NPHP1: variants seen among roughly 807,000 people sequenced by gnomAD.
NPHP1 encodes the protein nephrocystin-1.
Under a neutral mutation model 90.4 loss-of-function variants are expected in NPHP1, and 70 were observed. That is an observed-to-expected ratio of 0.77 (90% confidence interval 0.64 to 0.95). NPHP1 has a LOEUF of 0.95. Among genes scored for constraint, NPHP1 ranks in the 40% least tolerant of loss-of-function variants. The pLI is 0.00. For missense variants in NPHP1, 764 were observed against 795.9 expected (o/e 0.96, Z 0.48); for synonymous variants, 256 against 271.7 (o/e 0.94, Z 0.57).
Position 110,161,701 on chromosome 2 carries a change from A to C in NPHP1, c.860-4T>G. ...TAATTTGCTCGAAATTGATTCCCTG[A>C]AAAAATCATTTTTTCTTCATTTTCT... is the stretch of plus-strand genomic sequence containing the variant. On this transcript the variant is annotated splice_region_variant and splice_polypyrimidine_tract_variant and intron_variant, in intron 9 of 19. Transcript: ENST00000445609. 6.2e-7 allele frequency: 1 copy of C among 1,601,468 alleles called. No individual in the cohort carries two copies.
intron 2 of NPHP1, among the ~76,000 whole-genome samples, chr2:110,185,966 C>G (rs908273380): frequency 7.9e-5 from 12 of 152,132 alleles, no homozygotes; most frequent in Admixed American, 6.5e-5. Context: ...ATGCCATCTT[C>G]AAACAGTTTT....
intron 4 of NPHP1, among the ~76,000 whole-genome samples, chr2:110,173,131 G>A (rs1683274660): frequency 6.6e-6 from 1 of 151,506 alleles, no homozygotes. Flanking sequence ...GCTCATTTTT[G>A]TATTTTTAGT....
chr2:110,148,213 A>C (rs1047885781), intron 12 of NPHP1, among the ~76,000 whole-genome samples, 187 bp from the exon 13 acceptor site: 2 of 152,052 alleles, frequency 1.3e-5, no homozygotes, highest in Admixed American at 6.6e-5. Flanking sequence ...TGTCCTCACC[A>C]CAGAGAGTTC....
rs1679167577 is a variant in NPHP1, at chr2:110,123,951, TCA to T, written c.1872_1873del (p.Glu625AspfsTer9). ...AGTGATAACTTTCCACCGTGCAGTCTCAGTCTCTTCTTCTGCCCACCTGAATG... is the reference window on the plus strand; with the variant it reads ...AGTGATAACTTTCCACCGTGCAGTCTGTCTCTTCTTCTGCCCACCTGAATG... On this transcript the variant is annotated frameshift_variant, in exon 20 of 20. Coordinates refer to ENST00000445609, the MANE Select transcript of NPHP1 (RefSeq NM_001128178.3). LOFTEE classifies it high-confidence loss of function. 1 of 1,614,050 alleles carries T rather than the reference TCA, an allele frequency of 6.2e-7. No homozygotes were observed. Among genetic ancestry groups the T allele is most frequent in the South Asian group, 1.1e-5 (1 of 91,088 alleles).
chr2:110,125,042 A>G (rs1679249515), intron 19 of NPHP1: 1 of 612,608 alleles, frequency 1.6e-6, no homozygotes, highest in African/African-American at 1.9e-5. Context: ...GGTCATTTAC[A>G]TATTGTCTGT....
At chr2:110,170,073 C>T (rs2104579415) in intron 4 of NPHP1, 75 bp from the exon 5 acceptor site, 1 of 1,561,838 alleles carries the variant, frequency 6.4e-7, no homozygotes, top group Non-Finnish European at 8.8e-7. Context: ...GTAACTTCTA[C>T]ATATACATGA....
intron 2 of NPHP1, among the ~76,000 whole-genome samples, chr2:110,179,953 C>T (rs111971027): frequency 6.6e-6 from 1 of 152,096 alleles, no homozygotes; most frequent in African/African-American, 2.4e-5. Flanking sequence ...AGGAAGAACG[C>T]TGGACTTTAA....
At chr2:110,145,665 A>G (rs758515689) in intron 14 of NPHP1, among the ~76,000 whole-genome samples, 9 of 152,158 alleles carry the variant, frequency 5.9e-5, no homozygotes, top group Admixed American at 6.5e-5. Context: ...CCATATACTA[A>G]TACACTGAAA....
intron 2 of NPHP1, among the ~76,000 whole-genome samples, chr2:110,183,331 A>G (rs1684040836): frequency 6.6e-6 from 1 of 152,210 alleles, no homozygotes; most frequent in Non-Finnish European, 1.5e-5. Context: ...CACAAACAAT[A>G]GCATGAGCGA....
intron 2 of NPHP1, among the ~76,000 whole-genome samples, chr2:110,200,069 C>A (rs1230919094): frequency 6.6e-6 from 1 of 151,746 alleles, no homozygotes; most frequent in African/African-American, 2.4e-5. Context: ...TCCTGGCTAG[C>A]ACGGTGAAAC....
At chr2:110,167,426 G>A (rs1262116594) in intron 6 of NPHP1, among the ~76,000 whole-genome samples, 2 of 152,018 alleles carry the variant, frequency 1.3e-5, no homozygotes, top group Non-Finnish European at 2.9e-5. Context: ...AGTTAAACAT[G>A]GCTAATGAAA....
chr2:110,200,843 CCAAA>C (rs1685531252), intron 2 of NPHP1, among the ~76,000 whole-genome samples: 1 of 152,072 alleles, frequency 6.6e-6, no homozygotes, highest in African/African-American at 2.4e-5. Flanking sequence ...TAAAACTTCT[CCAAA>C]CAATTACAAT....
chr2:110,161,698 C>G lies in NPHP1; in HGVS notation c.860-1G>C. ...AAGTAATTTGCTCGAAATTGATTCC[C>G]TGAAAAAATCATTTTTTCTTCATTT... On this transcript the variant is annotated splice_acceptor_variant, in intron 9 of 19. Transcript: ENST00000445609. LOFTEE classifies it high-confidence loss of function. The G allele has an allele frequency of 1.9e-6, 3 of 1,602,460 alleles. No homozygotes were observed. The highest frequency in any genetic ancestry group is 2.6e-6 in the Non-Finnish European group (3 of 1,169,812).
chr2:110,131,408 ATGACTATATC>A (rs1679764780), intron 17 of NPHP1, among the ~76,000 whole-genome samples: 1 of 152,180 alleles, frequency 6.6e-6, no homozygotes, highest in Admixed American at 6.5e-5. Flanking sequence ...AAGGGAAAAT[ATGACTATATC>A]TGACTCTTGG....
At chr2:110,160,326 C>T (rs936142898) in intron 10 of NPHP1, 71 bp from the exon 11 acceptor site, 21 of 1,294,938 alleles carry the variant, frequency 1.6e-5, no homozygotes, top group Admixed American at 7.2e-5. Context: ...TTTGTGAATT[C>T]GGCTTATGAA....
At chr2:110,168,405 G>A (rs550408113) in intron 6 of NPHP1, 47 bp downstream of exon 6, 22,102 of 942,052 alleles carry the variant, frequency 0.023, 382 homozygotes, top group South Asian at 0.062. Flanking sequence ...TATTAAAAGC[G>A]AAAAAAAAAA....
At chr2:110,185,927 G>A (rs1022635126) in intron 2 of NPHP1, among the ~76,000 whole-genome samples, 9 of 152,136 alleles carry the variant, frequency 5.9e-5, no homozygotes, top group Non-Finnish European at 1.0e-4. Context: ...CTGATTCCAG[G>A]TCCTTGCTTT....
intron 6 of NPHP1, 44 bp downstream of exon 6, chr2:110,168,408 A>G (rs1334737030): frequency 7.9e-7 from 1 of 1,264,506 alleles, no homozygotes; most frequent in Non-Finnish European, 1.2e-6. Context: ...TAAAAGCGAA[A>G]AAAAAAAAAG....
chr2:110,194,178 A>T (rs1222184851), intron 2 of NPHP1, among the ~76,000 whole-genome samples: 1 of 152,154 alleles, frequency 6.6e-6, no homozygotes, highest in Admixed American at 6.5e-5. Flanking sequence ...TGAAGGAGAT[A>T]GAGACAAAAA....
Sources: allele counts gnomAD v4.1 joint callset (sites outside exome capture counted in the v4.1 genomes callset), GRCh38; gene constraint gnomAD v4.1.1; transcripts MANE v1.5; gene names NCBI Gene and HGNC (gene_info 2026-07-23, HGNC 2026-07-21).